Variants in NRXN3 observed in about 807,000 individuals in gnomAD.
NRXN3 encodes neurexin III.
Under a neutral mutation model 137.6 loss-of-function variants are expected in NRXN3, and 32 were observed. That is an observed-to-expected ratio of 0.23 (90% CI 0.18 to 0.31). The LOEUF is 0.31. Ranked by LOEUF, NRXN3 falls within the 10% of genes least tolerant of loss-of-function variation. The probability of loss-of-function intolerance (pLI) is 1.00; values close to 1 mark genes in which losing one functional copy is unlikely to be tolerated. For missense variants in NRXN3, 1,574 were observed against 2,062.5 expected, an observed-to-expected ratio of 0.76 and a Z score of 4.59; for synonymous variants, 798 against 784.5, an observed-to-expected ratio of 1.02 and a Z score of -0.29.
intron 10 of NRXN3, among the ~76,000 whole-genome samples, chr14:78,921,260 G>C (rs2152823332): frequency 6.6e-6 from 1 of 152,358 alleles, no homozygotes; most frequent in East Asian, 1.9e-4. Flanking sequence ...GCCATATGCT[G>C]AGCTTGGTGC....
intron 16 of NRXN3, among the ~76,000 whole-genome samples, chr14:79,629,709 G>A (rs1367094985): frequency 2.6e-5 from 4 of 152,072 alleles, no homozygotes; most frequent in African/African-American, 9.7e-5. Flanking sequence ...GACATTCAAA[G>A]GTCTAAACAG....
At chr14:78,972,651 T>C (rs548907300) in intron 14 of NRXN3, among the ~76,000 whole-genome samples, 85 of 152,306 alleles carry the variant, frequency 5.6e-4, no homozygotes, top group Middle Eastern at 3.4e-3. Flanking sequence ...CCTGCTCTGC[T>C]GACTTGGCTC....
chr14:78,265,280 G>A (rs1170630869), intron 2 of NRXN3, among the ~76,000 whole-genome samples: 2 of 151,960 alleles, frequency 1.3e-5, no homozygotes, highest in Non-Finnish European at 2.9e-5. Flanking sequence ...AACTAGGGGA[G>A]GTTAGAAGTA....
chr14:78,980,965 C>A (rs1424289410), intron 14 of NRXN3, among the ~76,000 whole-genome samples: 2 of 151,952 alleles, frequency 1.3e-5, no homozygotes, highest in African/African-American at 4.8e-5. Context: ...CTTCCTAAGG[C>A]CTTTGGATGT....
At chr14:79,007,621 C>T (rs138894915) in intron 15 of NRXN3, among the ~76,000 whole-genome samples, 22 of 151,538 alleles carry the variant, frequency 1.5e-4, no homozygotes, top group Admixed American at 3.9e-4. Flanking sequence ...CTGGCTAACA[C>T]GGTGAAACCC....
At chr14:78,605,210 G>A (rs1161546865) in intron 4 of NRXN3, among the ~76,000 whole-genome samples, 1 of 152,156 alleles carries the variant, frequency 6.6e-6, no homozygotes, top group African/African-American at 2.4e-5. Context: ...GAAGCCTGCT[G>A]TATTTTGATG....
chr14:79,200,988 A>G (rs1215410750), intron 15 of NRXN3: 1 of 152,092 alleles, frequency 6.6e-6, no homozygotes, highest in Non-Finnish European at 1.5e-5. Flanking sequence ...TTTGAGCTAA[A>G]TAATACTAAG....
chr14:78,510,307 A>G (rs1167417287), intron 4 of NRXN3, among the ~76,000 whole-genome samples: 1 of 151,666 alleles, frequency 6.6e-6, no homozygotes, highest in African/African-American at 2.4e-5. Context: ...GGAAGCTATA[A>G]TAATAATAAT....
chr14:78,534,937 G>A (rs1378593177), intron 4 of NRXN3, among the ~76,000 whole-genome samples: 1 of 151,984 alleles, frequency 6.6e-6, no homozygotes, highest in East Asian at 1.9e-4. Flanking sequence ...TTTTAAAATT[G>A]GTGTATTTTC....
intron 16 of NRXN3, among the ~76,000 whole-genome samples, chr14:79,622,934 T>G (rs1041636725): frequency 2.6e-5 from 4 of 152,202 alleles, no homozygotes; most frequent in Admixed American, 2.6e-4. Flanking sequence ...TTATTGAGTA[T>G]CTATTATTTG....
At chr14:78,549,632 T>C (rs1481586084) in intron 4 of NRXN3, among the ~76,000 whole-genome samples, 3 of 152,210 alleles carry the variant, frequency 2.0e-5, no homozygotes, top group Non-Finnish European at 4.4e-5. Context: ...AAAAAATAAA[T>C]GTATGGATGA....
At chr14:78,289,381 T>A (rs1567176491) in intron 3 of NRXN3, among the ~76,000 whole-genome samples, 1 of 152,192 alleles carries the variant, frequency 6.6e-6, no homozygotes, top group Non-Finnish European at 1.5e-5. Context: ...ACAAGTCACC[T>A]ATCAGCAGTT....
At chr14:79,509,496 A>G (rs1338833568) in intron 16 of NRXN3, among the ~76,000 whole-genome samples, 2 of 151,788 alleles carry the variant, frequency 1.3e-5, no homozygotes, top group African/African-American at 2.4e-5. Context: ...AGCCTGGCCA[A>G]TAGAGGAAGG....
chr14:79,565,056 A>G (rs975646013), intron 16 of NRXN3, among the ~76,000 whole-genome samples: 2 of 152,016 alleles, frequency 1.3e-5, no homozygotes, highest in Admixed American at 1.3e-4. Flanking sequence ...GGAACTGGTA[A>G]TTTCATTTAA....
chr14:79,140,601 G>A (rs10083424), intron 15 of NRXN3, among the ~76,000 whole-genome samples: 4,804 of 151,854 alleles, frequency 0.032, 239 homozygotes, highest in African/African-American at 0.11. Flanking sequence ...GTGTGTGTGT[G>A]TGTGTGTGTG....
intron 4 of NRXN3, among the ~76,000 whole-genome samples, chr14:78,608,617 G>T (rs1480654302): frequency 1.3e-5 from 2 of 152,122 alleles, no homozygotes; most frequent in Admixed American, 1.3e-4. Context: ...GCCAGGAAGG[G>T]TATATATACA....
chr14:78,636,873 T>C (rs1002044811), intron 4 of NRXN3, among the ~76,000 whole-genome samples: 24 of 152,148 alleles, frequency 1.6e-4, no homozygotes, highest in African/African-American at 5.3e-4. Flanking sequence ...TAGAAATGTC[T>C]CCTGGATCCC....
chr14:79,557,986 ACG>A (rs2097448293), intron 16 of NRXN3, among the ~76,000 whole-genome samples: 1 of 152,008 alleles, frequency 6.6e-6, no homozygotes, highest in South Asian at 2.1e-4. Context: ...AACAGTGTTC[ACG>A]ACATGTTTAC....
chr14:79,232,962 G>GACAGAGTC (rs2072528938), intron 15 of NRXN3, among the ~76,000 whole-genome samples: 1 of 152,124 alleles, frequency 6.6e-6, no homozygotes. Context: ...TAGCAGTTGA[G>GACAGAGTC]ACAGAGTCTA....
Sources: gnomAD v4.1 joint callset for allele counts (sites outside exome capture counted in the v4.1 genomes callset) on GRCh38, gnomAD v4.1.1 for gene constraint, MANE v1.5 for transcripts, NCBI Gene and HGNC (gene_info 2026-07-23, HGNC 2026-07-21) for gene names.